Variants in TBC1D26 observed in about 807,000 individuals in gnomAD.
TBC1D26 encodes TBC1 domain family member 26.
In TBC1D26, 19 loss-of-function variants were observed where a neutral mutation model predicts 42.5. That is an observed-to-expected ratio of 0.45 (90% CI 0.31 to 0.66). The LOEUF is 0.66. Among genes scored for constraint, TBC1D26 ranks in the 30% least tolerant of loss-of-function variants. The pLI is 0.06. For missense variants in TBC1D26, 228 were observed against 332.6 expected, an observed-to-expected ratio of 0.69 and a Z score of 2.45; for synonymous variants, 97 against 123.5, an observed-to-expected ratio of 0.79 and a Z score of 1.42.
At chr17:15,742,685 A>G (rs1967822661) in intron 12 of TBC1D26, among the ~76,000 whole-genome samples, 1 of 152,210 alleles carries the variant, frequency 6.6e-6, no homozygotes, top group African/African-American at 2.4e-5. Context: ...GGGCCCAGGG[A>G]AGCCCAAGTC....
intron 10 of TBC1D26, chr17:15,741,677 G>A: frequency 3.8e-6 from 2 of 528,364 alleles, no homozygotes; most frequent in Admixed American, 6.8e-5. Flanking sequence ...ATAGCCCCCA[G>A]CTCCCACCCT....
chr17:15,742,315 C>T (rs1967811012), intron 11 of TBC1D26, 99 bp from the exon 12 acceptor site: 2 of 482,248 alleles, frequency 4.1e-6, no homozygotes, highest in Non-Finnish European at 7.5e-6. Flanking sequence ...GGCCACCGCC[C>T]TGGGTTGTGC....
intron 1 of TBC1D26, among the ~76,000 whole-genome samples, chr17:15,733,467 C>A (rs1482211002): frequency 6.6e-6 from 1 of 152,230 alleles, no homozygotes; most frequent in East Asian, 1.9e-4. Context: ...CCCTCTACCC[C>A]CTAGCCCCCA....
chr17:15,742,298 G>A (rs1291677299), intron 11 of TBC1D26, 116 bp from the exon 12 acceptor site: 2 of 514,256 alleles, frequency 3.9e-6, no homozygotes, highest in African/African-American at 3.9e-5. Flanking sequence ...GCAGGTGTTG[G>A]AGCCCTGGCC....
rs1967586877 is a variant in TBC1D26 at position 15,735,401 on chromosome 17, T to C, written c.53T>C (p.Ile18Thr). 1 of 1,613,518 alleles carries C rather than the reference T, an allele frequency of 6.2e-7. No homozygotes were observed. Among genetic ancestry groups the C allele is most frequent in the Non-Finnish European group, 8.5e-7 (1 of 1,179,764 alleles). The change falls in exon 3 of 15, where the codon ATC (isoleucine) becomes ACC (threonine). Residue 18 changes from isoleucine (I) to threonine (T), a missense_variant. Transcript: ENST00000437605. ...CTGCCTGCCCAGGGGCAAGGCAATA[T>C]CATCATTACTAAGTATGAGCAGGTA... ...YNLPAQGQGN[I>T]IITKYEQGHR...
rs568328653 is a variant in TBC1D26 at position 15,740,142 on chromosome 17, T to C, written c.540T>C (p.Tyr180=). Residue 180 remains tyrosine (Y), a synonymous_variant, in exon 9 of 15, where the codon TAT becomes TAC. Coordinates refer to ENST00000437605, the MANE Select transcript of TBC1D26 (RefSeq NM_001388465.1). The part of the protein sequence containing the change: ...LCDILVAYSA[Y]NPEVGYHRDL... ...ACATCCTCGTGGCCTATTCTGCATA[T>C]AACCCTGTGAGTATTCCCGGGCAGC... 6 of 1,614,206 alleles carry C rather than the reference T, an allele frequency of 3.7e-6. No individual in the cohort carries two copies. The South Asian group carries it at 4.4e-5, about 12-fold the overall frequency.
intron 4 of TBC1D26, among the ~76,000 whole-genome samples, chr17:15,736,053 G>A (rs1164643430): frequency 6.6e-6 from 1 of 151,798 alleles, no homozygotes; most frequent in African/African-American, 2.4e-5. Flanking sequence ...AGGGCACCTG[G>A]CCTGGCCTCT....
At chr17:15,740,073 A>C (rs374679782) in intron 8 of TBC1D26, 27 bp from the exon 9 acceptor site, 51 of 1,602,506 alleles carry the variant, frequency 3.2e-5, no homozygotes, top group East Asian at 2.9e-4. Context: ...CACACAAAAA[A>C]AAAACCCTCT....
chr17:15,738,858 C>G, intron 8 of TBC1D26, 28 bp downstream of exon 8: 2 of 1,608,792 alleles, frequency 1.2e-6, no homozygotes, highest in Non-Finnish European at 1.7e-6. Flanking sequence ...TGCAGGGGTC[C>G]CAGGGAAGAT....
At chr17:15,741,528 CCT>C (rs1567725001) in intron 10 of TBC1D26, 12 of 485,674 alleles carry the variant, frequency 2.5e-5, no homozygotes, top group Non-Finnish European at 4.5e-5. Context: ...CACTCACCTC[CCT>C]GAGTGTCTTC....
chr17:15,740,369 C>T, intron 9 of TBC1D26: 1 of 1,468,432 alleles, frequency 6.8e-7, no homozygotes. Context: ...CGACCTTCCC[C>T]TCCTGGTGTT....
At chr17:15,742,596 C>T (rs1174469751) in intron 12 of TBC1D26, 117 bp downstream of exon 12, 3 of 172,646 alleles carry the variant, frequency 1.7e-5, no homozygotes, top group African/African-American at 7.2e-5. Context: ...AGGCTCTGCC[C>T]AAGAGGGGGC....
chr17:15,742,297 G>T, intron 11 of TBC1D26, 117 bp from the exon 12 acceptor site: 1 of 514,842 alleles, frequency 1.9e-6, no homozygotes, highest in Non-Finnish European at 3.5e-6. Flanking sequence ...GGCAGGTGTT[G>T]GAGCCCTGGC....
At chr17:15,743,242 T>A (rs1464199845) in intron 13 of TBC1D26, 125 bp from the exon 14 acceptor site, 1 of 282,586 alleles carries the variant, frequency 3.5e-6, no homozygotes, top group African/African-American at 2.3e-5. Context: ...TGTGCACAGC[T>A]GAACCCCAGG....
At chr17:15,738,853 G>T (rs576043048) in intron 8 of TBC1D26, 23 bp downstream of exon 8, 16 of 1,609,152 alleles carry the variant, frequency 9.9e-6, no homozygotes, top group South Asian at 4.4e-5. Context: ...GGGCTTGCAG[G>T]GGTCCCAGGG....
At position 15,735,345 on chromosome 17, in the gene TBC1D26, C is replaced by A. The variant is rs1194751130; in HGVS notation, c.-1-3C>A. On this transcript the variant is annotated splice_region_variant and splice_polypyrimidine_tract_variant and intron_variant, in intron 2 of 14. Transcript: ENST00000437605. ...AGAGCCTTGGGATGACTTTGTCTTG[C>A]AGGATGGAGATGGATGGGGACCCGT... 6.2e-7 allele frequency: 1 copy of A among 1,613,676 alleles called. No homozygotes were observed. The highest frequency in any genetic ancestry group is 1.3e-5 in the African/African-American group (1 of 74,880).
At chr17:15,742,350 C>T in intron 11 of TBC1D26, 64 bp from the exon 12 acceptor site, 1 of 417,738 alleles carries the variant, frequency 2.4e-6, no homozygotes, top group Non-Finnish European at 4.4e-6. Context: ...TGCAGAGGGG[C>T]CTGGAAGTGG....
rs765442914 is a variant in TBC1D26 at position 15,735,392 on chromosome 17, A to G, written c.44A>G (p.Gln15Arg). ...GDPYNLPAQG[Q>R]GNIIITKYEQ... Reference sequence around the variant, plus strand: ...CCGTATAACCTGCCTGCCCAGGGGCAAGGCAATATCATCATTACTAAGTAT... The same window carrying G: ...CCGTATAACCTGCCTGCCCAGGGGCGAGGCAATATCATCATTACTAAGTAT... The change falls in exon 3 of 15, where the codon CAA becomes CGA. Residue 15 changes from glutamine to arginine, a missense_variant. By Grantham distance (43) the Gln-to-Arg change is conservative. Around this residue, in one of 5 missense-constraint regions of TBC1D26, gnomAD observed 18 missense variants for 22.5 expected, o/e 0.80. Transcript: ENST00000437605. 6.2e-7 allele frequency: 1 copy of G among 1,613,750 alleles called. No individual in the cohort carries two copies. Among genetic ancestry groups the G allele is most frequent in the Admixed American group, 1.7e-5 (1 of 59,994 alleles).
intron 1 of TBC1D26, chr17:15,734,043 A>G (rs142056135): frequency 2.6e-5 from 4 of 152,224 alleles, no homozygotes; most frequent in East Asian, 1.9e-4. Flanking sequence ...TCCTCACAGA[A>G]ACTCTGTGGC....
Sources: allele counts gnomAD v4.1 joint callset (sites outside exome capture counted in the v4.1 genomes callset), GRCh38; gene constraint gnomAD v4.1.1; regional missense constraint gnomAD v4.1.1; transcripts MANE v1.5; gene names NCBI Gene and HGNC (gene_info 2026-07-23, HGNC 2026-07-21).